The following JAK1 variants were observed in gnomAD, a reference collection of about 807,000 sequenced individuals.
The protein encoded by JAK1 is Janus kinase 1, also known as tyrosine-protein kinase JAK1.
A neutral mutation model predicts 136.6 loss-of-function variants in JAK1; 16 were observed. The ratio of observed to expected loss-of-function variants is 0.12; its 90% CI spans 0.08 to 0.18. The LOEUF (loss-of-function observed/expected upper bound fraction) is 0.18, where lower values mean the gene tolerates loss of function less well. Among genes scored for constraint, JAK1 ranks in the 10% least tolerant of loss-of-function variants. JAK1 has a pLI of 1.00. For missense variants in JAK1, 859 were observed against 1,450.1 expected, an observed-to-expected ratio of 0.59 and a Z score of 6.62; for synonymous variants, 492 against 519.5, an observed-to-expected ratio of 0.95 and a Z score of 0.72.
At chr1:64,888,741 C>T (rs996226307) in intron 1 of JAK1, among the ~76,000 whole-genome samples, 6 of 152,170 alleles carry the variant, frequency 3.9e-5, no homozygotes, top group Admixed American at 2.0e-4. Context: ...TTGAACACAA[C>T]AGTAAAATGG....
intron 2 of JAK1, among the ~76,000 whole-genome samples, chr1:65,014,228 A>G (rs1449752369): frequency 6.6e-6 from 1 of 152,186 alleles, no homozygotes. Flanking sequence ...CAGAGATTAT[A>G]TGGCAGAAAC....
At chr1:64,969,947 G>A (rs535289749), upstream of JAK1, among the ~76,000 whole-genome samples, 7 of 151,894 alleles carry the variant, frequency 4.6e-5, no homozygotes, top group Admixed American at 3.3e-4. Context: ...ACCAGCTTGC[G>A]CAACATGGCA....
intron 2 of JAK1, among the ~76,000 whole-genome samples, chr1:65,003,100 G>T (rs1189473661): frequency 7.1e-6 from 1 of 141,272 alleles, no homozygotes; most frequent in Non-Finnish European, 1.5e-5. Flanking sequence ...CGCCTGACTC[G>T]CCCCATTGCA....
chr1:65,029,518 G>T (rs1031237902), intron 2 of JAK1, among the ~76,000 whole-genome samples: 7 of 152,174 alleles, frequency 4.6e-5, no homozygotes, highest in African/African-American at 1.7e-4. Context: ...TCACATGTAT[G>T]TTCACTGCAG....
chr1:64,985,444 C>T, intron 2 of JAK1: 3 of 1,607,418 alleles, frequency 1.9e-6, no homozygotes, highest in Non-Finnish European at 2.6e-6. Flanking sequence ...TTCTCCTCTT[C>T]TTTTCTGTTA....
intron 7 of JAK1, among the ~76,000 whole-genome samples, chr1:64,865,440 A>G (rs1656637951): frequency 6.6e-6 from 1 of 152,236 alleles, no homozygotes. Context: ...GAAGACACGA[A>G]TTTCATGCTT....
At chr1:64,915,450 G>A (rs1379222000) in intron 1 of JAK1, among the ~76,000 whole-genome samples, 1 of 152,172 alleles carries the variant, frequency 6.6e-6, no homozygotes, top group African/African-American at 2.4e-5. Context: ...CACAGGAACT[G>A]GAAGGAAGCA....
At chr1:64,988,966 GTATATATATA>G (rs1193664929) in intron 2 of JAK1, among the ~76,000 whole-genome samples, 1 of 126,340 alleles carries the variant, frequency 7.9e-6, no homozygotes, top group South Asian at 2.4e-4. Flanking sequence ...ATGTATGTAT[GTATATATATA>G]TGTATATGTG....
At chr1:64,998,111 C>T (rs1368417371) in intron 2 of JAK1, among the ~76,000 whole-genome samples, 2 of 152,022 alleles carry the variant, frequency 1.3e-5, no homozygotes, top group East Asian at 1.9e-4. Context: ...GAAGTCAGAT[C>T]CTAAAAAACT....
chr1:65,036,918 G>A (rs187864675), intron 2 of JAK1, among the ~76,000 whole-genome samples: 55 of 152,300 alleles, frequency 3.6e-4, no homozygotes, highest in African/African-American at 1.3e-3. Context: ...TGGGTGTGGT[G>A]GCTCATGCCT....
chr1:64,875,700 CAGAA>C (rs1657361294), intron 4 of JAK1, among the ~76,000 whole-genome samples: 1 of 152,184 alleles, frequency 6.6e-6, no homozygotes, highest in Non-Finnish European at 1.5e-5. Context: ...CTCTCACACA[CAGAA>C]AGAATCACAC....
chr1:64,974,899 T>C (rs900811892), intron 2 of JAK1, among the ~76,000 whole-genome samples: 2 of 151,908 alleles, frequency 1.3e-5, no homozygotes, highest in Non-Finnish European at 2.9e-5. Context: ...TTGTTTGTTT[T>C]GTTTTGTTTT....
chr1:65,005,659 A>G (rs939041520), intron 2 of JAK1, among the ~76,000 whole-genome samples: 5 of 152,352 alleles, frequency 3.3e-5, no homozygotes, highest in African/African-American at 1.2e-4. Flanking sequence ...ATTGTATCCA[A>G]TAAATATGTA....
rs549682132 is a variant in JAK1 at position 64,860,219 on chromosome 1, G to A, written c.1220C>T (p.Ser407Phe). ...GAGCCGGAAGTAGCCATCTACCAGG[G>A]ACACAAAGGACAAGGCCTCCTCGTG... ...SSHEEALSFVSLVDGYFRLTA... is the reference protein window; with the variant it reads ...SSHEEALSFVFLVDGYFRLTA... Residue 407 changes from serine (S) to phenylalanine (F), a missense_variant, in exon 9 of 25, where the codon TCC becomes TTC. Physicochemically the swap from Ser to Phe is radical, Grantham distance 155 (BLOSUM62 -2). This residue lies in a region of JAK1 where 409 missense variants were observed against 753.8 expected (regional missense o/e 0.54). Coordinates refer to ENST00000342505, the MANE Select transcript of JAK1 (RefSeq NM_002227.4). 18 of 1,611,280 alleles carry A rather than the reference G, an allele frequency of 1.1e-5. No individual in the cohort carries two copies. The highest frequency in any genetic ancestry group is 6.7e-5 in the African/African-American group (5 of 75,010).
rs562051235 is a variant in JAK1 at position 65,019,605 on chromosome 1, A to G, written c.-78+24875T>C. On this transcript the variant is annotated intron_variant, in intron 2 of 25. Coordinates refer to the JAK1 transcript ENST00000671954. ...AAATCTGTAGCAAACATCATGCAAA[A>G]TAGCGAAGTTGCTATGTCAGAAGAT... Among the ~76,000 whole-genome samples, 278 of 152,304 alleles carry G rather than the reference A, an allele frequency of 1.8e-3. 2 individuals carry two copies. The highest frequency in any genetic ancestry group is 2.4e-3 in the Non-Finnish European group (160 of 68,032).
At position 64,834,317 on chromosome 1, in the gene JAK1, T is replaced by C; in HGVS notation, c.*245A>G. ...TCCACAAGGAGGAGTGCTTAAGTGC[T>C]TTCAAATATTTTGGTTGTCATTATG... On this transcript the variant is annotated 3_prime_UTR_variant, in exon 25 of 25. Transcript: ENST00000342505. 2 of 346,018 alleles carry C rather than the reference T, an allele frequency of 5.8e-6. No homozygotes were observed. Among genetic ancestry groups the C allele is most frequent in the East Asian group, 4.1e-5 (1 of 24,436 alleles). 21.4% of individuals were successfully genotyped at this position (346,018 alleles called of 1,614,324 possible). A position where few individuals can be genotyped will look rare whatever the true frequency, so the allele number is the denominator to read the frequency against.
intron 2 of JAK1, among the ~76,000 whole-genome samples, chr1:64,988,410 T>C (rs1646619717): frequency 6.6e-6 from 1 of 152,142 alleles, no homozygotes; most frequent in Non-Finnish European, 1.5e-5. Context: ...AACCATTTAA[T>C]TATTTTAAGA....
intron 2 of JAK1, among the ~76,000 whole-genome samples, chr1:65,031,631 A>G (rs12403317): frequency 2.6e-5 from 4 of 152,158 alleles, no homozygotes; most frequent in Non-Finnish European, 5.9e-5. Flanking sequence ...TATTGTATCA[A>G]AGTTAAATTT....
At chr1:64,996,122 G>C (rs1183380392) in intron 2 of JAK1, among the ~76,000 whole-genome samples, 1 of 151,956 alleles carries the variant, frequency 6.6e-6, no homozygotes, top group Non-Finnish European at 1.5e-5. Flanking sequence ...CATAATGCTT[G>C]GTTAAAATTT....
Sources: gnomAD v4.1 joint callset for allele counts (sites outside exome capture counted in the v4.1 genomes callset) on GRCh38, gnomAD v4.1.1 for gene constraint, gnomAD v4.1.1 regional missense constraint, MANE v1.5 for transcripts, NCBI Gene and HGNC (gene_info 2026-07-23, HGNC 2026-07-21) for gene names.